PAX5: variants seen among roughly 807,000 people sequenced by gnomAD.
The protein encoded by PAX5 is paired box 5.
A neutral mutation model predicts 43.7 loss-of-function variants in PAX5; 9 were observed. The observed-to-expected ratio is 0.21, with a 90% CI of 0.12 to 0.36. PAX5 has a LOEUF of 0.36. Among genes scored for constraint, PAX5 ranks in the 10% least tolerant of loss-of-function variants. The pLI is 1.00. For synonymous variants in PAX5, 228 were observed against 214.3 expected, an observed-to-expected ratio of 1.06 and a Z score of -0.56; for missense variants, 383 against 532.7, an observed-to-expected ratio of 0.72 and a Z score of 2.77.
chr9:36,846,997 TC>T, intron 8 of PAX5, 68 bp from the exon 9 acceptor site: 1 of 1,147,168 alleles, frequency 8.7e-7, no homozygotes, highest in Non-Finnish European at 1.3e-6. Context: ...AGGCCCTGGG[TC>T]CCAGCCAGCC....
chr9:36,955,770 CAAAA>C (rs67265503), intron 6 of PAX5, among the ~76,000 whole-genome samples: 23 of 136,526 alleles, frequency 1.7e-4, no homozygotes, highest in Non-Finnish European at 1.3e-4. Context: ...CTTTTTGTTT[CAAAA>C]AAAAAAAAAT....
At chr9:36,984,430 C>CCT (rs1402345999) in intron 5 of PAX5, among the ~76,000 whole-genome samples, 2 of 100,968 alleles carry the variant, frequency 2.0e-5, no homozygotes, top group African/African-American at 8.5e-5. Flanking sequence ...GGTTATTGAA[C>CCT]CTCTCTTTTT....
chr9:36,850,774 T>C (rs1266269032), intron 8 of PAX5, among the ~76,000 whole-genome samples: 1 of 152,204 alleles, frequency 6.6e-6, no homozygotes, highest in Non-Finnish European at 1.5e-5. Context: ...CAGAGGTGGT[T>C]CCTGGCGCTC....
chr9:37,002,951 G>T, intron 4 of PAX5, 175 bp from the exon 5 acceptor site: 1 of 700,650 alleles, frequency 1.4e-6, no homozygotes. Context: ...CGCAGGCCTC[G>T]GGCGGGCCGT....
At chr9:36,958,533 C>T (rs1833689474) in intron 6 of PAX5, among the ~76,000 whole-genome samples, 1 of 152,036 alleles carries the variant, frequency 6.6e-6, no homozygotes, top group African/African-American at 2.4e-5. Context: ...ATGATGGGGC[C>T]ACACTTTTTG....
chr9:36,874,019 C>T (rs1056218124), intron 8 of PAX5, among the ~76,000 whole-genome samples: 7 of 152,208 alleles, frequency 4.6e-5, no homozygotes, highest in Non-Finnish European at 8.8e-5. Flanking sequence ...ACCCCTAAGC[C>T]TGCATGCTTT....
At chr9:36,845,729 T>C (rs1288051542) in intron 9 of PAX5, among the ~76,000 whole-genome samples, 3 of 152,038 alleles carry the variant, frequency 2.0e-5, no homozygotes, top group Non-Finnish European at 4.4e-5. Flanking sequence ...CCAAATCAGG[T>C]TTGGGAAGGG....
intron 8 of PAX5, among the ~76,000 whole-genome samples, chr9:36,858,745 TC>T (rs1397423792): frequency 6.6e-6 from 1 of 152,040 alleles, no homozygotes; most frequent in Admixed American, 6.5e-5. Context: ...CTTCAGGAAC[TC>T]CTTCGCTCAG....
intron 6 of PAX5, among the ~76,000 whole-genome samples, chr9:36,958,826 G>T (rs1237840325): frequency 6.6e-6 from 1 of 152,176 alleles, no homozygotes; most frequent in Non-Finnish European, 1.5e-5. Flanking sequence ...ACCACTTTCT[G>T]CTAATGTGCT....
intron 1 of PAX5, among the ~76,000 whole-genome samples, chr9:37,024,614 C>CTCTGGAAGCTAGA: frequency 6.6e-6 from 1 of 152,342 alleles, no homozygotes; most frequent in South Asian, 2.1e-4. Flanking sequence ...CTTGCACCTG[C>CTCTGGAAGCTAGA]TCTGGAAGCT....
chr9:36,864,184 C>A (rs921988349), intron 8 of PAX5: 2 of 154,390 alleles, frequency 1.3e-5, no homozygotes, highest in Admixed American at 6.5e-5. Context: ...TCACAGGAGC[C>A]CTGGGAAAAA....
intron 7 of PAX5, among the ~76,000 whole-genome samples, chr9:36,893,728 G>A (rs1827607105): frequency 1.3e-5 from 2 of 152,218 alleles, no homozygotes; most frequent in Admixed American, 6.5e-5. Context: ...AGAAGCCCAA[G>A]CCGCGATAGT....
rs780753361 is a variant in PAX5, at chr9:36,882,052, CG to C, written c.963del (p.Ala322LeufsTer11). 12 of 1,611,214 alleles carry C rather than the reference CG, an allele frequency of 7.4e-6. No homozygotes were observed. The highest frequency in any genetic ancestry group is 4.5e-5 in the East Asian group (2 of 44,674). The stretch of plus-strand genomic sequence containing the variant: ...GGTGCTGAGTAGCTGCCCTGTCCAG[CG>C]GGGGGGACGTGTGGAGGGTACCCGG... ...TLPGYPPHVP[P>X]AGQGSYSAPT... On this transcript the variant is annotated frameshift_variant, in exon 8 of 10. Transcript: ENST00000358127. LOFTEE classifies it high-confidence loss of function. The surrounding 1 kb of genome is among the most constrained non-coding windows in gnomAD (Gnocchi z 4.4).
chr9:37,007,125 G>A (rs1045271557), intron 3 of PAX5, among the ~76,000 whole-genome samples: 2 of 152,192 alleles, frequency 1.3e-5, no homozygotes, highest in African/African-American at 4.8e-5. Context: ...GAGACATCCG[G>A]TTTGGCTTTC....
chr9:36,859,844 C>A (rs990811316), intron 8 of PAX5, among the ~76,000 whole-genome samples: 1 of 152,078 alleles, frequency 6.6e-6, no homozygotes, highest in African/African-American at 2.4e-5. Context: ...ACCATCCTGG[C>A]TAACACGGTG....
intron 7 of PAX5, among the ~76,000 whole-genome samples, chr9:36,885,028 C>G (rs1043689356): frequency 2.0e-5 from 3 of 152,222 alleles, no homozygotes; most frequent in Non-Finnish European, 4.4e-5. Context: ...GTCCCCAGAA[C>G]CAGAGGCTTC....
At chr9:36,980,750 G>C (rs1835840819) in intron 5 of PAX5, among the ~76,000 whole-genome samples, 2 of 152,128 alleles carry the variant, frequency 1.3e-5, no homozygotes, top group South Asian at 4.1e-4. Flanking sequence ...CCAGAGAAGG[G>C]GGCAGGTTCG....
At position 36,833,518 on chromosome 9, in the gene PAX5, GA is replaced by G. The variant is rs1464597718; in HGVS notation, c.*7041del. The G allele has an allele frequency of 4.8e-5, 11 of 231,490 alleles. No homozygotes were observed. The highest frequency in any genetic ancestry group is 1.8e-4 in the South Asian group (1 of 5,448). The allele number at this position is 231,490 out of a possible 1,614,324, so 14.3% of individuals were successfully genotyped here. A position where few individuals can be genotyped will look rare whatever the true frequency, so the allele number is the denominator to read the frequency against. On this transcript the variant is annotated 3_prime_UTR_variant, in exon 10 of 10. Coordinates refer to ENST00000358127, the MANE Select transcript of PAX5 (RefSeq NM_016734.3). ...AGCCACAAATTTCAGGTTTGACAAG[GA>G]AAAAAAAGTAAAAAAAAAATTAAAC...
Position 36,971,490 on chromosome 9 carries a change from A to T in PAX5, c.605-4766T>A, listed in dbSNP as rs1034195819. Among the ~76,000 whole-genome samples, 17 of 152,242 alleles carry T rather than the reference A, an allele frequency of 1.1e-4. 1 individual carries two copies. Among genetic ancestry groups the T allele is most frequent in the Admixed American group, 3.3e-4 (5 of 15,290 alleles). On this transcript the variant is annotated intron_variant, in intron 5 of 9. Transcript: ENST00000358127. The stretch of plus-strand genomic sequence containing the variant: ...AATTGGAGAATGTGGTCTTGGAGGC[A>T]GGCTACAGAAATGCTCAGACCCATT...
Sources: gnomAD v4.1 joint callset for allele counts (sites outside exome capture counted in the v4.1 genomes callset) on GRCh38, gnomAD v4.1.1 for gene constraint, Gnocchi (gnomAD v3.1) non-coding constraint, MANE v1.5 for transcripts, NCBI Gene and HGNC (gene_info 2026-07-23, HGNC 2026-07-21) for gene names.